Variants in PRKG1 observed in about 807,000 individuals in gnomAD.
PRKG1 encodes the protein cGMP-dependent protein kinase 1.
A neutral mutation model predicts 88.1 loss-of-function variants in PRKG1; 35 were observed. The observed-to-expected ratio is 0.40, with a 90% CI of 0.30 to 0.53. PRKG1 has a LOEUF of 0.53. PRKG1 is among the 20% of genes least tolerant of loss of function. The probability of loss-of-function intolerance (pLI) is 0.59; values close to 1 mark genes in which losing one functional copy is unlikely to be tolerated. For synonymous variants in PRKG1, 303 were observed against 292.5 expected (o/e 1.04, Z -0.37); for missense variants, 540 against 839.8 (o/e 0.64, Z 4.41).
intron 7 of PRKG1, among the ~76,000 whole-genome samples, chr10:52,069,195 CTTTGT>C (rs879279175): frequency 2.0e-5 from 3 of 152,144 alleles, no homozygotes; most frequent in Non-Finnish European, 4.4e-5. Context: ...GAACTTGCTT[CTTTGT>C]TTTATCTTCT....
chr10:51,954,288 T>A (rs916489762), intron 5 of PRKG1, among the ~76,000 whole-genome samples: 4 of 152,150 alleles, frequency 2.6e-5, no homozygotes, highest in South Asian at 2.1e-4. Context: ...AAATATGAAA[T>A]GAACCAGAAG....
At chr10:52,048,959 T>C (rs1845925012) in intron 5 of PRKG1, among the ~76,000 whole-genome samples, 1 of 152,134 alleles carries the variant, frequency 6.6e-6, no homozygotes, top group Non-Finnish European at 1.5e-5. Context: ...GCAATGAATA[T>C]AGCATAAGAC....
At chr10:51,727,549 T>A (rs1333010245) in intron 3 of PRKG1, among the ~76,000 whole-genome samples, 1 of 152,206 alleles carries the variant, frequency 6.6e-6, no homozygotes, top group Non-Finnish European at 1.5e-5. Flanking sequence ...GGGATTCCGT[T>A]GACATTAATG....
At chr10:51,015,017 T>A (rs1243101275) in intron 1 of PRKG1, among the ~76,000 whole-genome samples, 1 of 152,250 alleles carries the variant, frequency 6.6e-6, no homozygotes, top group East Asian at 1.9e-4. Context: ...AAACTCTCAA[T>A]CATTTCCCAT....
intron 3 of PRKG1, among the ~76,000 whole-genome samples, chr10:51,584,246 C>T (rs1455411408): frequency 6.6e-6 from 1 of 152,008 alleles, no homozygotes; most frequent in Non-Finnish European, 1.5e-5. Context: ...ATTCTTCTGT[C>T]AATGTCAGTC....
chr10:51,274,754 C>A (rs1249591387), intron 2 of PRKG1, among the ~76,000 whole-genome samples: 1 of 152,110 alleles, frequency 6.6e-6, no homozygotes, highest in Non-Finnish European at 1.5e-5. Flanking sequence ...GGGAAACAGA[C>A]AATGGAGAAA....
intron 10 of PRKG1, among the ~76,000 whole-genome samples, chr10:52,269,201 T>A (rs1841654278): frequency 6.6e-6 from 1 of 152,116 alleles, no homozygotes; most frequent in South Asian, 2.1e-4. Context: ...TGACTTTACT[T>A]CTTCTTCTCT....
At chr10:52,140,651 G>C (rs1837554084) in intron 8 of PRKG1, among the ~76,000 whole-genome samples, 1 of 152,094 alleles carries the variant, frequency 6.6e-6, no homozygotes, top group South Asian at 2.1e-4. Flanking sequence ...ATACCCCTGA[G>C]GAATGACAAA....
In PRKG1 at chr10:51,734,193, T is replaced by C. The variant is rs558290789; in HGVS notation, c.593-70392T>C. ...AATTGTCAACATTCATTCAATTTCATGTCCTGCCCTTATAAATATTGGGGA... is the reference window on the plus strand; with the variant it reads ...AATTGTCAACATTCATTCAATTTCACGTCCTGCCCTTATAAATATTGGGGA... On this transcript the variant is annotated intron_variant, in intron 3 of 17. Coordinates refer to ENST00000373980, the MANE Select transcript of PRKG1 (RefSeq NM_006258.4). 9.2e-5 allele frequency among the ~76,000 whole-genome samples: 14 copies of C among 152,322 alleles called. No homozygotes were observed. In the South Asian group the frequency reaches 2.9e-3, roughly 32 times the overall value.
At chr10:52,195,145 T>A (rs1248600876) in intron 9 of PRKG1, among the ~76,000 whole-genome samples, 1 of 152,074 alleles carries the variant, frequency 6.6e-6, no homozygotes, top group African/African-American at 2.4e-5. Flanking sequence ...TAAATGAAAA[T>A]GGAAAGAGAG....
chr10:52,207,632 T>C (rs1004143175), intron 9 of PRKG1, among the ~76,000 whole-genome samples: 13 of 152,150 alleles, frequency 8.5e-5, no homozygotes, highest in Non-Finnish European at 1.5e-4. Context: ...CTGCCACCTC[T>C]CTAAGCAGCA....
At chr10:51,259,494 A>T (rs1839648801) in intron 2 of PRKG1, among the ~76,000 whole-genome samples, 1 of 152,008 alleles carries the variant, frequency 6.6e-6, no homozygotes, top group African/African-American at 2.4e-5. Flanking sequence ...TTTTTTTGAG[A>T]TGGAGTTTCA....
chr10:52,287,335 G>T (rs1248211535), intron 14 of PRKG1, among the ~76,000 whole-genome samples: 2 of 151,988 alleles, frequency 1.3e-5, no homozygotes, highest in East Asian at 1.9e-4. Flanking sequence ...ACTAGCTAAT[G>T]ACATATTAAA....
At chr10:51,273,435 G>A (rs1403805571) in intron 2 of PRKG1, among the ~76,000 whole-genome samples, 1 of 152,024 alleles carries the variant, frequency 6.6e-6, no homozygotes, top group Non-Finnish European at 1.5e-5. Flanking sequence ...GAGGTGGGAG[G>A]ATCGCTGGAG....
At position 51,251,478 on chromosome 10, in the gene PRKG1, G is replaced by T. The variant is rs73337554; in HGVS notation, c.478+98148G>T. On this transcript the variant is annotated intron_variant, in intron 2 of 17. Coordinates refer to ENST00000373980, the MANE Select transcript of PRKG1 (RefSeq NM_006258.4). ...CCAGGCACTCAGCTGAATGTGCAGT[G>T]TTCCTTTATATCTGCATATTTTAAA... is the stretch of plus-strand genomic sequence containing the variant. Among the ~76,000 whole-genome samples the T allele has an allele frequency of 6.3e-3, 964 of 151,876 alleles. 17 individuals carry two copies. The highest frequency in any genetic ancestry group is 0.022 in the African/African-American group (921 of 41,504).
intron 8 of PRKG1, among the ~76,000 whole-genome samples, chr10:52,134,194 A>G (rs887215450): frequency 6.6e-6 from 1 of 152,184 alleles, no homozygotes; most frequent in Non-Finnish European, 1.5e-5. Flanking sequence ...TAATGAGAAC[A>G]TTTGAGTAAA....
chr10:51,608,126 C>T (rs1007994788), intron 3 of PRKG1, among the ~76,000 whole-genome samples: 2 of 152,130 alleles, frequency 1.3e-5, no homozygotes, highest in African/African-American at 2.4e-5. Context: ...GGTAGCTTGG[C>T]TCAAATACAG....
At chr10:51,670,755 A>C (rs990856527) in intron 3 of PRKG1, among the ~76,000 whole-genome samples, 2 of 118,292 alleles carry the variant, frequency 1.7e-5, no homozygotes, top group African/African-American at 6.7e-5. Context: ...TAAATAAATA[A>C]ATAAATAAAT....
At chr10:51,947,299 T>A (rs1245474396) in intron 5 of PRKG1, among the ~76,000 whole-genome samples, 1 of 152,082 alleles carries the variant, frequency 6.6e-6, no homozygotes, top group Non-Finnish European at 1.5e-5. Context: ...GGTGCGCCGT[T>A]TTTTAAGCTC....
Sources: gnomAD v4.1 joint callset for allele counts (sites outside exome capture counted in the v4.1 genomes callset) on GRCh38, gnomAD v4.1.1 for gene constraint, MANE v1.5 for transcripts, NCBI Gene and HGNC (gene_info 2026-07-23, HGNC 2026-07-21) for gene names.